Variants in ARPP21 observed in about 807,000 individuals in gnomAD.
ARPP21 encodes cAMP regulated phosphoprotein 21.
Under a neutral mutation model 113.2 loss-of-function variants are expected in ARPP21, and 69 were observed. That is an observed-to-expected ratio of 0.61 (90% confidence interval 0.50 to 0.74). ARPP21 has a LOEUF of 0.74. Ranked by LOEUF, ARPP21 falls within the 30% of genes least tolerant of loss-of-function variation. ARPP21 has a pLI of 0.00. For missense variants in ARPP21, 1,070 were observed against 1,037.4 expected (o/e 1.03, Z -0.43); for synonymous variants, 368 against 375.5 (o/e 0.98, Z 0.23).
At chr3:35,706,699 A>G (rs1229949262) in intron 9 of ARPP21, among the ~76,000 whole-genome samples, 8 of 152,244 alleles carry the variant, frequency 5.3e-5, no homozygotes, top group African/African-American at 9.6e-5. Context: ...AAACATCTAT[A>G]CAATATATAC....
intron 19 of ARPP21, among the ~76,000 whole-genome samples, chr3:35,791,004 C>T (rs1363507474): frequency 6.6e-6 from 1 of 152,158 alleles, no homozygotes; most frequent in Non-Finnish European, 1.5e-5. Flanking sequence ...CTCCAATTCT[C>T]CAAACTGAGG....
chr3:35,793,060 C>T (rs925045163), intron 20 of ARPP21, among the ~76,000 whole-genome samples: 3 of 151,832 alleles, frequency 2.0e-5, no homozygotes, highest in African/African-American at 7.3e-5. Context: ...TCTAAAATAC[C>T]CCAGAAGTAG....
rs533188775 is a variant in ARPP21, at chr3:35,779,756, G to A, written c.2138-12626G>A. On this transcript the variant is annotated intron_variant, in intron 19 of 20. Coordinates refer to ENST00000684406, the MANE Select transcript of ARPP21 (RefSeq NM_001385562.1). Reference sequence around the variant, plus strand: ...CAACCTAAAAAACATCAGGCTATAAGAATCTCATCTTGTTTTCCAAATGCC... The same window carrying A: ...CAACCTAAAAAACATCAGGCTATAAAAATCTCATCTTGTTTTCCAAATGCC... Among the ~76,000 whole-genome samples the A allele has an allele frequency of 9.1e-4, 139 of 152,244 alleles. 1 individual carries two copies. The highest frequency in any genetic ancestry group is 3.2e-3 in the African/African-American group (134 of 41,554).
intron 19 of ARPP21, among the ~76,000 whole-genome samples, chr3:35,758,199 G>C (rs796468834): frequency 3.3e-5 from 5 of 152,036 alleles, no homozygotes; most frequent in African/African-American, 1.2e-4. Context: ...GTGTCTTGTA[G>C]AGAAACAGCA....
chr3:35,674,346 A>G (rs1310341859), intron 1 of ARPP21, among the ~76,000 whole-genome samples: 3 of 151,964 alleles, frequency 2.0e-5, no homozygotes, highest in Non-Finnish European at 4.4e-5. Context: ...ACAAGATCCC[A>G]ACAGTATTAT....
chr3:35,742,935 C>G (rs2094764650), intron 18 of ARPP21, among the ~76,000 whole-genome samples: 1 of 152,012 alleles, frequency 6.6e-6, no homozygotes. Context: ...CTGAGGCAGG[C>G]AAAGAAGTCT....
chr3:35,649,303 T>C (rs568759743), intron 1 of ARPP21, among the ~76,000 whole-genome samples: 2 of 152,320 alleles, frequency 1.3e-5, no homozygotes, highest in African/African-American at 4.8e-5. Context: ...CACTAGCTAT[T>C]ATTTTGGTTC....
chr3:35,687,347 A>G lies in ARPP21; in HGVS notation c.262-392A>G, dbSNP rs577504462. ...TTTGTGCCAATTTCCCCTTATAAGGAATTATAGAATAGAACTACGGAGGAC... is the reference window on the plus strand; with the variant it reads ...TTTGTGCCAATTTCCCCTTATAAGGGATTATAGAATAGAACTACGGAGGAC... On this transcript the variant is annotated intron_variant, in intron 5 of 20. Transcript: ENST00000684406. 3.2e-4 allele frequency among the ~76,000 whole-genome samples: 48 copies of G among 151,234 alleles called. 1 individual carries two copies. The highest frequency in any genetic ancestry group is 3.4e-3 in the Middle Eastern group (1 of 292).
intron 19 of ARPP21, among the ~76,000 whole-genome samples, chr3:35,772,216 T>C (rs764985419): frequency 5.9e-5 from 9 of 152,202 alleles, no homozygotes; most frequent in Non-Finnish European, 1.2e-4. Flanking sequence ...TCAGTTATTC[T>C]TGGAAATGAA....
rs150073250 is a variant in ARPP21, at chr3:35,690,516, C to T, written c.546-349C>T. ...CAGTATAAACCGTGTAATGACACAT[C>T]TCCATATAGACATCTGCAATCACGT... On this transcript the variant is annotated intron_variant, in intron 8 of 20. Transcript: ENST00000684406. Among the ~76,000 whole-genome samples the T allele has an allele frequency of 2.4e-3, 360 of 151,592 alleles. 8 individuals carry two copies. In the East Asian group the frequency reaches 0.033, roughly 14 times the overall value.
chr3:35,691,885 A>G (rs1471215554), intron 9 of ARPP21, among the ~76,000 whole-genome samples: 2 of 151,506 alleles, frequency 1.3e-5, no homozygotes, highest in African/African-American at 4.8e-5. Flanking sequence ...CTCTTTAGAA[A>G]TGTTACTGAA....
At chr3:35,792,286 G>A (rs1483120573) in intron 19 of ARPP21, 96 bp from the exon 20 acceptor site, 1 of 1,017,724 alleles carries the variant, frequency 9.8e-7, no homozygotes, top group Admixed American at 1.9e-5. Context: ...AGACTGAGAT[G>A]TCTGAAGGCT....
intron 14 of ARPP21, among the ~76,000 whole-genome samples, chr3:35,723,471 C>A (rs1221797995): frequency 6.6e-6 from 1 of 152,158 alleles, no homozygotes; most frequent in Non-Finnish European, 1.5e-5. Context: ...TTCTTGATTT[C>A]TTACTCTAAT....
chr3:35,655,646 C>A (rs1159284154), intron 1 of ARPP21, among the ~76,000 whole-genome samples: 1 of 151,850 alleles, frequency 6.6e-6, no homozygotes, highest in Non-Finnish European at 1.5e-5. Flanking sequence ...GATTCAGGGC[C>A]CATATTTTAA....
At chr3:35,687,938 A>T (rs2081092248) in intron 6 of ARPP21, 55 bp downstream of exon 6, 2 of 1,506,912 alleles carry the variant, frequency 1.3e-6, no homozygotes, top group Admixed American at 2.2e-5. Flanking sequence ...ACATAGTCAC[A>T]GAACACATTC....
Position 35,729,342 on chromosome 3 carries a change from T to C in ARPP21, c.1265T>C (p.Leu422Pro). 1 of 1,614,212 alleles carries C rather than the reference T, an allele frequency of 6.2e-7. No homozygotes were observed. Among genetic ancestry groups the C allele is most frequent in the South Asian group, 1.1e-5 (1 of 91,090 alleles). Residue 422 changes from leucine to proline, a missense_variant, in exon 15 of 21, where the codon CTG (leucine) becomes CCG (proline). By Grantham distance (98) the Leu-to-Pro change is moderately conservative. Coordinates refer to ENST00000684406, the MANE Select transcript of ARPP21 (RefSeq NM_001385562.1). ...SSSSAGSSGSLSRTHPPLQST... is the reference protein window; with the variant it reads ...SSSSAGSSGSPSRTHPPLQST... The stretch of plus-strand genomic sequence containing the variant: ...AGCAGTGCAGGCTCCTCAGGATCGC[T>C]GTCCCGCACCCATCCACCTCTCCAG...
chr3:35,769,325 C>T (rs2096108628), intron 19 of ARPP21, among the ~76,000 whole-genome samples: 1 of 152,154 alleles, frequency 6.6e-6, no homozygotes, highest in African/African-American at 2.4e-5. Flanking sequence ...GCCCTCTCCA[C>T]TCTTGCCTGG....
rs1024282567 is a variant in ARPP21 at position 35,792,475 on chromosome 3, A to G, written c.2231A>G (p.Gln744Arg). 6.2e-7 allele frequency: 1 copy of G among 1,613,998 alleles called. No homozygotes were observed. Among genetic ancestry groups the G allele is most frequent in the Non-Finnish European group, 8.5e-7 (1 of 1,179,908 alleles). The change falls in exon 20 of 21, where the codon CAA (glutamine) becomes CGA (arginine). Residue 744 changes from glutamine (Q) to arginine (R), a missense_variant. Physicochemically the swap from Gln to Arg is conservative, Grantham distance 43. Transcript: ENST00000684406. ...PQSQNVINNQ[Q>R]GTPVQSVMVS... ...AGTCAGAACGTGATAAATAACCAAC[A>G]AGGAACTCCGGTGCAAAGCGTGATG...
At position 35,792,392 on chromosome 3, in the gene ARPP21, A is replaced by G; in HGVS notation, c.2148A>G (p.Pro716=). 1 of 1,613,986 alleles carries G rather than the reference A, an allele frequency of 6.2e-7. No homozygotes were observed. Among genetic ancestry groups the G allele is most frequent in the Non-Finnish European group, 8.5e-7 (1 of 1,179,842 alleles). The part of the protein sequence containing the change: ...PQAAQQAGYQ[P]VLSGQQGFQG... ...CTCTTTTCTTCGCAGGTTACCAGCC[A>G]GTCTTGTCTGGTCAACAGGGATTCC... The change falls in exon 20 of 21, where the codon CCA becomes CCG. Residue 716 remains proline, a synonymous_variant. Transcript: ENST00000684406.
Sources: allele counts gnomAD v4.1 joint callset (sites outside exome capture counted in the v4.1 genomes callset), GRCh38; gene constraint gnomAD v4.1.1; transcripts MANE v1.5; gene names NCBI Gene and HGNC (gene_info 2026-07-23, HGNC 2026-07-21).